The following STOX1 variants were observed in gnomAD, a reference collection of about 807,000 sequenced individuals.
STOX1 encodes storkhead box 1.
In STOX1, 57 loss-of-function variants were observed where a neutral mutation model predicts 74.8. The observed-to-expected ratio is 0.76, with a 90% CI of 0.62 to 0.95. The LOEUF is 0.95. Among genes scored for constraint, STOX1 ranks in the 40% least tolerant of loss-of-function variants. The pLI is 0.00. For synonymous variants in STOX1, 375 were observed against 401.3 expected (o/e 0.93, Z 0.78); for missense variants, 1,010 against 1,117.0 (o/e 0.90, Z 1.37).
rs185413489 is a variant in STOX1 at position 68,832,941 on chromosome 10, A to T, written c.310+5008A>T. 1.4e-4 allele frequency among the ~76,000 whole-genome samples: 21 copies of T among 151,650 alleles called. No homozygotes were observed. The East Asian group carries it at 3.1e-3, about 22-fold the overall frequency. ...ACTGTGCCTAGCTAATTAAAAAAAAATTTTCAGTAGAGGCAGGTCTTGCTC... is the reference window on the plus strand; with the variant it reads ...ACTGTGCCTAGCTAATTAAAAAAAATTTTTCAGTAGAGGCAGGTCTTGCTC... On this transcript the variant is annotated intron_variant, in intron 1 of 3. Coordinates refer to ENST00000298596, the MANE Select transcript of STOX1 (RefSeq NM_152709.5).
intron 2 of STOX1, among the ~76,000 whole-genome samples, chr10:68,883,645 T>A (rs1840864546): frequency 6.6e-6 from 1 of 151,244 alleles, no homozygotes; most frequent in Non-Finnish European, 1.5e-5. Flanking sequence ...AACTCCTGAG[T>A]TAAAGCGATC....
At chr10:68,868,662 A>G (rs2133575996) in intron 1 of STOX1, among the ~76,000 whole-genome samples, 1 of 152,326 alleles carries the variant, frequency 6.6e-6, no homozygotes, top group Admixed American at 6.5e-5. Context: ...AGCCTGGGCA[A>G]CAAGAATGAA....
intron 1 of STOX1, among the ~76,000 whole-genome samples, chr10:68,868,953 C>T (rs1438171835): frequency 6.6e-6 from 1 of 152,138 alleles, no homozygotes; most frequent in Admixed American, 6.5e-5. Flanking sequence ...CTAATTAATA[C>T]TCAAAGAGGG....
downstream of STOX1, among the ~76,000 whole-genome samples, chr10:68,893,953 G>C (rs1841149062): frequency 1.3e-5 from 2 of 152,172 alleles, no homozygotes; most frequent in Non-Finnish European, 2.9e-5. Flanking sequence ...AGACCAAGTA[G>C]TAGAATGGTC....
intron 1 of STOX1, among the ~76,000 whole-genome samples, chr10:68,872,527 A>T (rs914048725): frequency 6.6e-6 from 1 of 151,914 alleles, no homozygotes; most frequent in Non-Finnish European, 1.5e-5. Flanking sequence ...TGTAATTTTT[A>T]GTAGAGACGA....
intron 1 of STOX1, among the ~76,000 whole-genome samples, chr10:68,832,118 G>A (rs920008953): frequency 1.3e-5 from 2 of 152,116 alleles, no homozygotes; most frequent in East Asian, 1.9e-4. Context: ...AAATGAAAGA[G>A]TGAGTTCTGG....
At chr10:68,855,389 G>A (rs754000320) in intron 1 of STOX1, among the ~76,000 whole-genome samples, 5 of 151,672 alleles carry the variant, frequency 3.3e-5, no homozygotes, top group Non-Finnish European at 5.9e-5. Context: ...CCAAAGTGCT[G>A]AGATTATAGG....
chr10:68,858,576 G>A (rs1840184088), intron 1 of STOX1, among the ~76,000 whole-genome samples: 1 of 152,060 alleles, frequency 6.6e-6, no homozygotes, highest in East Asian at 1.9e-4. Flanking sequence ...TATTTCAGAG[G>A]CCACAGAGTC....
At chr10:68,833,166 A>T (rs1436306926) in intron 1 of STOX1, among the ~76,000 whole-genome samples, 2 of 147,906 alleles carry the variant, frequency 1.4e-5, no homozygotes, top group Non-Finnish European at 3.0e-5. Flanking sequence ...GCTCACTGCA[A>T]CCTCTGCTTC....
chr10:68,889,304 C>T (rs901682764), intron 3 of STOX1, among the ~76,000 whole-genome samples: 1 of 152,220 alleles, frequency 6.6e-6, no homozygotes, highest in East Asian at 1.9e-4. Flanking sequence ...TTGATCACTT[C>T]TCGGCCTTTT....
chr10:68,853,781 G>A (rs1840051072), intron 1 of STOX1, among the ~76,000 whole-genome samples: 1 of 151,644 alleles, frequency 6.6e-6, no homozygotes, highest in East Asian at 1.9e-4. Context: ...CGCCTCCTGG[G>A]TTCAAGTGAT....
rs754839969 is a variant in STOX1, at chr10:68,884,904, A to G, written c.1108A>G (p.Thr370Ala). 2 of 1,614,122 alleles carry G rather than the reference A, an allele frequency of 1.2e-6. No individual in the cohort carries two copies. The highest frequency in any genetic ancestry group is 2.2e-5 in the East Asian group (1 of 44,882). Residue 370 changes from threonine (T) to alanine (A), a missense_variant, in exon 3 of 4, where the codon ACT (threonine) becomes GCT (alanine). Thr to Ala is a moderately conservative substitution (Grantham distance 58). Coordinates refer to ENST00000298596, the MANE Select transcript of STOX1 (RefSeq NM_152709.5). ...AATCAAACGAATTAACCCCATTTTG[A>G]CTGTTGACAATTTAATCAAACACAC... ...EIIKRINPIL[T>A]VDNLIKHTVL...
intron 1 of STOX1, among the ~76,000 whole-genome samples, chr10:68,872,091 T>C (rs1180766026): frequency 6.6e-6 from 1 of 152,116 alleles, no homozygotes; most frequent in Admixed American, 6.5e-5. Context: ...AAGATACCTT[T>C]CCCACAGTGT....
chr10:68,894,225 A>T (rs1370763839), downstream of STOX1, among the ~76,000 whole-genome samples: 1 of 151,864 alleles, frequency 6.6e-6, no homozygotes, highest in Non-Finnish European at 1.5e-5. Context: ...ACACCCAGCT[A>T]ATTTTTTGTA....
At chr10:68,855,518 G>T (rs1782332) in intron 1 of STOX1, among the ~76,000 whole-genome samples, 10,647 of 151,796 alleles carry the variant, frequency 0.07, 423 homozygotes, top group Middle Eastern at 0.099. Flanking sequence ...AGTTCACTGC[G>T]GCCTCGACCT....
intron 1 of STOX1, among the ~76,000 whole-genome samples, chr10:68,856,880 T>A (rs899684126): frequency 6.6e-6 from 1 of 152,102 alleles, no homozygotes; most frequent in East Asian, 1.9e-4. Context: ...CTGGCAGCAT[T>A]TTCCAAGCCT....
chr10:68,874,349 T>G (rs935986631), intron 1 of STOX1, among the ~76,000 whole-genome samples: 2 of 152,262 alleles, frequency 1.3e-5, no homozygotes, highest in Middle Eastern at 3.4e-3. Flanking sequence ...TTCTTCCTAG[T>G]GGACTTGGAG....
intron 1 of STOX1, among the ~76,000 whole-genome samples, chr10:68,880,164 C>CTT (rs71028800): frequency 0.011 from 1,352 of 124,284 alleles, 6 homozygotes; most frequent in African/African-American, 0.036. Context: ...TCTTTCTTTC[C>CTT]TTTTTTTTTT....
At chr10:68,887,837 C>T (rs1008492325) in intron 3 of STOX1, among the ~76,000 whole-genome samples, 7 of 151,714 alleles carry the variant, frequency 4.6e-5, no homozygotes, top group East Asian at 2.0e-4. Flanking sequence ...TCAAGTGATC[C>T]GCCCTCCTCA....
Sources: gnomAD v4.1 joint callset for allele counts (sites outside exome capture counted in the v4.1 genomes callset) on GRCh38, gnomAD v4.1.1 for gene constraint, MANE v1.5 for transcripts, NCBI Gene and HGNC (gene_info 2026-07-23, HGNC 2026-07-21) for gene names.